The following ABCA13 variants were observed in gnomAD, a reference collection of about 807,000 sequenced individuals.
The protein encoded by ABCA13 is ATP-binding cassette sub-family A member 13.
ABCA13 carries 476 observed loss-of-function variants against 478.7 expected under a neutral mutation model. The observed-to-expected ratio is 0.99, with a 90% confidence interval of 0.92 to 1.07. ABCA13 has a LOEUF of 1.07. Among genes scored for constraint, ABCA13 ranks in the 50% least tolerant of loss-of-function variants. The pLI is 0.00. For missense variants in ABCA13, 6,060 were observed against 5,910.6 expected (o/e 1.03, Z -0.83); for synonymous variants, 2,252 against 2,158.9 (o/e 1.04, Z -1.20).
intron 59 of ABCA13, chr7:48,626,707 GCTGAT>G: frequency 1.0e-6 from 1 of 985,472 alleles, no homozygotes; most frequent in East Asian, 1.1e-4. Context: ...TTTACAGCCG[GCTGAT>G]CTGAGCTTGA....
At position 48,272,194 on chromosome 7, in the gene ABCA13, C is replaced by G. The variant is rs2128749255; in HGVS notation, c.2528C>G (p.Ser843Ter). The G allele has an allele frequency of 6.2e-7, 1 of 1,610,772 alleles. No homozygotes were observed. The highest frequency in any genetic ancestry group is 8.5e-7 in the Non-Finnish European group (1 of 1,178,876). The part of the protein sequence containing the change: ...KLLELWAYGI[S>*]KGKRAKLENF... Reference sequence around the variant, plus strand: ...CTAGAATTATGGGCCTATGGCATTTCAAAAGGAAAAAGAGCTAAATTGGAA... The same window carrying G: ...CTAGAATTATGGGCCTATGGCATTTGAAAAGGAAAAAGAGCTAAATTGGAA... Residue 843 changes from serine (S) to a stop codon, truncating the protein, a stop_gained, in exon 17 of 62, where the codon TCA becomes TGA. Coordinates refer to ENST00000435803, the MANE Select transcript of ABCA13 (RefSeq NM_152701.5). LOFTEE classifies it high-confidence loss of function.
chr7:48,340,823 T>C (rs1002782668), intron 29 of ABCA13, among the ~76,000 whole-genome samples: 2 of 151,694 alleles, frequency 1.3e-5, no homozygotes, highest in African/African-American at 4.8e-5. Flanking sequence ...TCTATAAATA[T>C]TGACTGTTAC....
At chr7:48,195,873 G>A (rs1797859859) in intron 2 of ABCA13, among the ~76,000 whole-genome samples, 1 of 152,086 alleles carries the variant, frequency 6.6e-6, no homozygotes, top group African/African-American at 2.4e-5. Context: ...TGCATGAGTA[G>A]ATAAGGACTG....
Position 48,516,766 on chromosome 7 carries a change from T to C in ABCA13, c.13682T>C (p.Phe4561Ser). 1.2e-6 allele frequency: 2 copies of C among 1,613,794 alleles called. No individual in the cohort carries two copies. The highest frequency in any genetic ancestry group is 1.7e-6 in the Non-Finnish European group (2 of 1,179,736). ...LPWMYLMSRI[F>S]SSSDVAFISY... ...TGGATGTACCTGATGTCCAGAATCT[T>C]TTCCAGTTCGGACGTGGCTTTCATT... is the stretch of plus-strand genomic sequence containing the variant. The change falls in exon 52 of 62, where the codon TTT (phenylalanine) becomes TCT (serine). Residue 4561 changes from phenylalanine (F) to serine (S), a missense_variant. Phe to Ser is a radical substitution (Grantham distance 155). Around this residue, in one of 3 missense-constraint regions of ABCA13, gnomAD observed 1,627 missense variants for 1,571.0 expected, o/e 1.04. Coordinates refer to ENST00000435803, the MANE Select transcript of ABCA13 (RefSeq NM_152701.5).
At chr7:48,316,582 G>T (rs1396960510) in intron 26 of ABCA13, among the ~76,000 whole-genome samples, 21 of 152,074 alleles carry the variant, frequency 1.4e-4, no homozygotes, top group Admixed American at 6.5e-5. Flanking sequence ...TTCCTGTCTT[G>T]GTTTATTTGG....
intron 43 of ABCA13, among the ~76,000 whole-genome samples, chr7:48,466,679 A>G (rs1046313559): frequency 6.6e-6 from 1 of 152,188 alleles, no homozygotes; most frequent in Non-Finnish European, 1.5e-5. Context: ...TGTTATATTA[A>G]GTGAAAATGT....
chr7:48,315,964 T>A (rs1802525269), intron 26 of ABCA13, among the ~76,000 whole-genome samples: 1 of 152,242 alleles, frequency 6.6e-6, no homozygotes, highest in African/African-American at 2.4e-5. Flanking sequence ...TTTCATTTTA[T>A]TCTTATAAAG....
chr7:48,516,161 G>A (rs1257044777), intron 51 of ABCA13, among the ~76,000 whole-genome samples: 2 of 152,140 alleles, frequency 1.3e-5, no homozygotes, highest in African/African-American at 2.4e-5. Flanking sequence ...TCAGTCTTAC[G>A]GCTGTCCCCT....
chr7:48,228,018 A>G (rs1294786598), intron 6 of ABCA13, among the ~76,000 whole-genome samples: 5 of 152,208 alleles, frequency 3.3e-5, no homozygotes, highest in African/African-American at 7.2e-5. Context: ...TGGGCTTCTT[A>G]TGCCTTAATC....
intron 3 of ABCA13, among the ~76,000 whole-genome samples, chr7:48,209,762 A>G (rs1482241158): frequency 6.6e-6 from 1 of 152,122 alleles, no homozygotes; most frequent in East Asian, 1.9e-4. Flanking sequence ...TACCAAATCG[A>G]TGTATTGATA....
At chr7:48,357,405 G>A (rs1014840605) in intron 31 of ABCA13, among the ~76,000 whole-genome samples, 12 of 151,922 alleles carry the variant, frequency 7.9e-5, no homozygotes, top group African/African-American at 2.2e-4. Context: ...TCCCACCAAC[G>A]CAGGTAATTT....
In ABCA13 at chr7:48,234,130, C is replaced by A; in HGVS notation, c.876C>A (p.Asn292Lys). The change falls in exon 8 of 62, where the codon AAC (asparagine) becomes AAA (lysine). Residue 292 changes from asparagine to lysine, a missense_variant. Coordinates refer to ENST00000435803, the MANE Select transcript of ABCA13 (RefSeq NM_152701.5). ...FDDLHTEQILNSSAELKEIPT... is the reference protein window; with the variant it reads ...FDDLHTEQILKSSAELKEIPT... ...ATCTTCACACGGAACAGATCCTGAA[C>A]TCTTCAGCTGAACTGAAGGAGGTAC... 1 of 1,613,992 alleles carries A rather than the reference C, an allele frequency of 6.2e-7. No individual in the cohort carries two copies. The highest frequency in any genetic ancestry group is 8.5e-7 in the Non-Finnish European group (1 of 1,179,870).
intron 55 of ABCA13, among the ~76,000 whole-genome samples, chr7:48,575,843 T>C (rs868115703): frequency 4.6e-5 from 7 of 152,128 alleles, no homozygotes; most frequent in African/African-American, 1.7e-4. Context: ...AGATTTGAGG[T>C]CAGAAAGCAA....
intron 27 of ABCA13, among the ~76,000 whole-genome samples, chr7:48,331,529 ACCTCTTCATTT>A (rs1805403225): frequency 6.6e-6 from 1 of 152,166 alleles, no homozygotes. Flanking sequence ...GTCAGTGGGC[ACCTCTTCATTT>A]AGAATTCCAT....
Position 48,281,371 on chromosome 7 carries a change from C to T in ABCA13, c.8755C>T (p.Gln2919Ter). 1 of 1,608,248 alleles carries T rather than the reference C, an allele frequency of 6.2e-7. No individual in the cohort carries two copies. Among genetic ancestry groups the T allele is most frequent in the Non-Finnish European group, 8.5e-7 (1 of 1,177,322 alleles). Residue 2919 changes from glutamine to a stop codon, truncating the protein, a stop_gained, in exon 19 of 62, where the codon CAG becomes TAG. Coordinates refer to ENST00000435803, the MANE Select transcript of ABCA13 (RefSeq NM_152701.5). LOFTEE classifies it high-confidence loss of function. Reference sequence around the variant, plus strand: ...TGTTGAGATTTGTGAAGTTTTCCAGCAGACTGTGAAGCCCTCAGAAGCCAT... The same window carrying T: ...TGTTGAGATTTGTGAAGTTTTCCAGTAGACTGTGAAGCCCTCAGAAGCCAT... ...SVVEICEVFQ[Q>*]TVKPSEAMEM...
At chr7:48,475,206 A>G (rs1563318643) in intron 45 of ABCA13, among the ~76,000 whole-genome samples, 1 of 152,110 alleles carries the variant, frequency 6.6e-6, no homozygotes, top group African/African-American at 2.4e-5. Flanking sequence ...GAACCTCAGG[A>G]GACAGGGAGT....
chr7:48,255,241 G>A (rs1289689140), intron 15 of ABCA13, among the ~76,000 whole-genome samples: 2 of 152,168 alleles, frequency 1.3e-5, no homozygotes, highest in Non-Finnish European at 2.9e-5. Flanking sequence ...TAGTGTTGTG[G>A]TAAAGAGCTT....
chr7:48,202,176 T>C (rs147831850), intron 3 of ABCA13, among the ~76,000 whole-genome samples: 62,879 of 151,606 alleles, frequency 0.41, 13,323 homozygotes, highest in African/African-American at 0.5. Flanking sequence ...GGGACCCTAG[T>C]GGCTTGCCGC....
At chr7:48,643,542 C>A in intron 60 of ABCA13, 149 bp downstream of exon 60, 1 of 636,750 alleles carries the variant, frequency 1.6e-6, no homozygotes, top group Non-Finnish European at 2.7e-6. Flanking sequence ...GCCTCCCTAC[C>A]AAAAATAGCA....
Sources: allele counts gnomAD v4.1 joint callset (sites outside exome capture counted in the v4.1 genomes callset), GRCh38; gene constraint gnomAD v4.1.1; regional missense constraint gnomAD v4.1.1; transcripts MANE v1.5; gene names NCBI Gene and HGNC (gene_info 2026-07-23, HGNC 2026-07-21).